Variants in FREM3 observed in about 807,000 individuals in gnomAD.
The protein encoded by FREM3 is FRAS1 related extracellular matrix 3.
Under a neutral mutation model 129.1 loss-of-function variants are expected in FREM3, and 105 were observed. The observed-to-expected ratio is 0.81, with a 90% confidence interval of 0.69 to 0.96. The LOEUF (loss-of-function observed/expected upper bound fraction) is 0.96, where lower values mean the gene tolerates loss of function less well. FREM3 is among the 40% of genes least tolerant of loss of function. The pLI is 0.00. For missense variants in FREM3, 2,593 were observed against 2,666.3 expected (o/e 0.97, Z 0.61); for synonymous variants, 1,014 against 1,044.9 (o/e 0.97, Z 0.57).
chr4:143,597,428 A>G (rs762833558), intron 6 of FREM3, among the ~76,000 whole-genome samples: 1 of 152,372 alleles, frequency 6.6e-6, no homozygotes, highest in East Asian at 1.9e-4. Context: ...TTAGATAAAC[A>G]CAGTTTTTAT....
intron 2 of FREM3, among the ~76,000 whole-genome samples, chr4:143,690,270 G>A (rs550605509): frequency 1.1e-4 from 16 of 152,150 alleles, no homozygotes; most frequent in Non-Finnish European, 1.9e-4. Context: ...GTTTCTCAAA[G>A]ATGCAAGACT....
chr4:143,578,608 G>A (rs950322198), intron 7 of FREM3, among the ~76,000 whole-genome samples: 1 of 152,150 alleles, frequency 6.6e-6, no homozygotes, highest in African/African-American at 2.4e-5. Context: ...AACACCACCA[G>A]TAATGGGATA....
At chr4:143,684,917 CA>C (rs1179933179) in intron 2 of FREM3, among the ~76,000 whole-genome samples, 1 of 151,930 alleles carries the variant, frequency 6.6e-6, no homozygotes, top group Non-Finnish European at 1.5e-5. Flanking sequence ...ATTTCTAGCT[CA>C]AAGACAATGT....
At chr4:143,633,669 G>A (rs1403768586) in intron 2 of FREM3, among the ~76,000 whole-genome samples, 1 of 152,180 alleles carries the variant, frequency 6.6e-6, no homozygotes, top group Non-Finnish European at 1.5e-5. Flanking sequence ...TTGATGCAAT[G>A]CACACATTTT....
intron 5 of FREM3, among the ~76,000 whole-genome samples, chr4:143,613,669 G>T (rs1314415616): frequency 6.6e-6 from 1 of 152,188 alleles, no homozygotes; most frequent in African/African-American, 2.4e-5. Flanking sequence ...TTTTTAAAGA[G>T]CCAGATGTTT....
Position 143,659,089 on chromosome 4 carries a change from T to TTTATTATTA in FREM3, c.5276-31338_5276-31330dup, listed in dbSNP as rs34321854. On this transcript the variant is annotated intron_variant, in intron 2 of 7. Transcript: ENST00000329798. The stretch of plus-strand genomic sequence containing the variant: ...TTCTTTATTTTATTTATTATTTTTA[T>TTTATTATTA]TTATTATTATTATTATTATTATTAT... Among the ~76,000 whole-genome samples, 499 of 141,494 alleles carry TTTATTATTA rather than the reference T, an allele frequency of 3.5e-3. 2 individuals are homozygous for TTTATTATTA. Among genetic ancestry groups the TTTATTATTA allele is most frequent in the African/African-American group, 0.012 (478 of 38,482 alleles). 92.8% of individuals were successfully genotyped at this position (141,494 alleles called of 152,430 possible). A position where few individuals can be genotyped will look rare whatever the true frequency, so the allele number is the denominator to read the frequency against.
chr4:143,603,653 A>C (rs1738616074), intron 6 of FREM3, among the ~76,000 whole-genome samples: 1 of 152,128 alleles, frequency 6.6e-6, no homozygotes, highest in East Asian at 1.9e-4. Context: ...AGAAAAAAAA[A>C]CCTTTTTATC....
rs35964270 is a variant in FREM3, at chr4:143,623,493, T to TCCCCCCC, written c.5653+608_5653+614dup. Among the ~76,000 whole-genome samples, 8 of 68,524 alleles carry TCCCCCCC rather than the reference T, an allele frequency of 1.2e-4. 1 individual carries two copies. The highest frequency in any genetic ancestry group is 1.7e-4 in the African/African-American group (4 of 23,424). The allele number at this position is 68,524 out of a possible 152,430, so 45.0% of individuals were successfully genotyped here. On this transcript the variant is annotated intron_variant, in intron 4 of 7. Coordinates refer to ENST00000329798, the MANE Select transcript of FREM3 (RefSeq NM_001168235.2). ...ATTGAAATTCAAAGATGAATACTAA[T>TCCCCCCC]CCCCCCCCCCCCCCACCATTTAGGG...
chr4:143,587,818 T>C (rs1460976252), intron 6 of FREM3, among the ~76,000 whole-genome samples: 1 of 152,194 alleles, frequency 6.6e-6, no homozygotes, highest in Admixed American at 6.5e-5. Context: ...TTGATGAGGA[T>C]GAAACAGATA....
In FREM3 at chr4:143,699,659, A is replaced by G; in HGVS notation, c.1017T>C (p.Pro339=). The change falls in exon 1 of 8, where the codon CCT becomes CCC. Residue 339 remains proline, a synonymous_variant. Transcript: ENST00000329798. This position sits in a 1 kb window ranked among gnomAD's most constrained non-coding sequence, Gnocchi z 4.2. The part of the protein sequence containing the change: ...ALAAEDVESD[P]GDLVFNILNA... Reference sequence around the variant, plus strand: ...TCAGAATGTTGAACACCAGGTCACCAGGGTCTGACTCGACGTCCTCCGCGG... The same window carrying G: ...TCAGAATGTTGAACACCAGGTCACCGGGGTCTGACTCGACGTCCTCCGCGG... The G allele has an allele frequency of 6.5e-7, 1 of 1,530,040 alleles. No individual in the cohort carries two copies. The highest frequency in any genetic ancestry group is 8.8e-7 in the Non-Finnish European group (1 of 1,142,636). The allele number at this position is 1,530,040 out of a possible 1,614,324, so 94.8% of individuals were successfully genotyped here.
At chr4:143,579,208 C>T (rs1399858680) in intron 7 of FREM3, among the ~76,000 whole-genome samples, 1 of 152,128 alleles carries the variant, frequency 6.6e-6, no homozygotes, top group East Asian at 1.9e-4. Flanking sequence ...AATCTCAGCA[C>T]TTTGGGAGGC....
chr4:143,597,063 G>A (rs547149884), intron 6 of FREM3, among the ~76,000 whole-genome samples: 89 of 152,212 alleles, frequency 5.8e-4, no homozygotes, highest in African/African-American at 1.8e-3. Flanking sequence ...GGATCATAGC[G>A]GGGAGCATCA....
chr4:143,610,499 C>T (rs1389786034), intron 6 of FREM3, among the ~76,000 whole-genome samples: 1 of 152,086 alleles, frequency 6.6e-6, no homozygotes, highest in Admixed American at 6.6e-5. Flanking sequence ...AATTTTGGGT[C>T]CTTAATAACA....
chr4:143,582,164 C>T (rs888213541), intron 7 of FREM3, among the ~76,000 whole-genome samples: 3 of 152,164 alleles, frequency 2.0e-5, no homozygotes, highest in African/African-American at 7.2e-5. Context: ...TCGTCACCCC[C>T]AAGCTGGAGA....
chr4:143,627,869 GTTTTA>G (rs937239605), intron 2 of FREM3, 109 bp from the exon 3 acceptor site: 51 of 698,766 alleles, frequency 7.3e-5, no homozygotes, highest in Admixed American at 4.4e-4. Flanking sequence ...AAACATACTC[GTTTTA>G]TTTTATTTTA....
At chr4:143,615,331 C>T (rs1387484375) in intron 5 of FREM3, among the ~76,000 whole-genome samples, 1 of 152,204 alleles carries the variant, frequency 6.6e-6, no homozygotes, top group African/African-American at 2.4e-5. Context: ...TTTAAACACA[C>T]AATTTTCTTT....
At chr4:143,662,682 G>A (rs4431169) in intron 2 of FREM3, among the ~76,000 whole-genome samples, 1 of 152,010 alleles carries the variant, frequency 6.6e-6, no homozygotes, top group Non-Finnish European at 1.5e-5. Context: ...TGACAGTGGG[G>A]TGTTAAAGTC....
intron 2 of FREM3, among the ~76,000 whole-genome samples, chr4:143,653,114 C>CA (rs1436280335): frequency 2.0e-5 from 3 of 152,144 alleles, no homozygotes; most frequent in Non-Finnish European, 4.4e-5. Context: ...GAGAGTGGTT[C>CA]CTATTTTGTA....
intron 6 of FREM3, among the ~76,000 whole-genome samples, chr4:143,602,341 A>G (rs1042091637): frequency 2.0e-5 from 3 of 152,180 alleles, no homozygotes; most frequent in Non-Finnish European, 2.9e-5. Context: ...TCTAAAAAAG[A>G]TATAATTACG....
Sources: gnomAD v4.1 joint callset for allele counts (sites outside exome capture counted in the v4.1 genomes callset) on GRCh38, gnomAD v4.1.1 for gene constraint, Gnocchi (gnomAD v3.1) non-coding constraint, MANE v1.5 for transcripts, NCBI Gene and HGNC (gene_info 2026-07-23, HGNC 2026-07-21) for gene names.